Variants in PKP4 observed in about 807,000 individuals in gnomAD.
PKP4 encodes the protein plakophilin-4.
PKP4 carries 90 observed loss-of-function variants against 145.1 expected under a neutral mutation model. The observed-to-expected ratio is 0.62, with a 90% CI of 0.52 to 0.74. The LOEUF is 0.74. PKP4 is among the 30% of genes least tolerant of loss of function. The pLI is 0.00. For synonymous variants in PKP4, 563 were observed against 577.2 expected (o/e 0.98, Z 0.35); for missense variants, 1,340 against 1,482.7 (o/e 0.90, Z 1.58).
chr2:158,559,747 CAAAGG>C (rs1401557358), intron 2 of PKP4, among the ~76,000 whole-genome samples: 4 of 151,880 alleles, frequency 2.6e-5, no homozygotes, highest in Admixed American at 6.6e-5. Flanking sequence ...ATAAAATAGA[CAAAGG>C]AAAGGAATTT....
At chr2:158,679,606 T>G (rs551493822) in intron 21 of PKP4, among the ~76,000 whole-genome samples, 1 of 152,288 alleles carries the variant, frequency 6.6e-6, no homozygotes, top group Admixed American at 6.5e-5. Flanking sequence ...TTGGGCATAA[T>G]CAAGAACATA....
chr2:158,577,459 G>A (rs1055354893), intron 3 of PKP4, 76 bp downstream of exon 3: 20 of 876,628 alleles, frequency 2.3e-5, no homozygotes, highest in Non-Finnish European at 3.2e-5. Flanking sequence ...TGCAGCAAAA[G>A]ATTCTGTTAG....
intron 4 of PKP4, among the ~76,000 whole-genome samples, chr2:158,607,824 T>C (rs2050779839): frequency 6.6e-6 from 1 of 152,174 alleles, no homozygotes; most frequent in African/African-American, 2.4e-5. Flanking sequence ...AGAATGAGTT[T>C]AGATTATGAA....
chr2:158,609,059 C>T (rs1377952599), intron 4 of PKP4, among the ~76,000 whole-genome samples: 2 of 151,826 alleles, frequency 1.3e-5, no homozygotes, highest in African/African-American at 2.4e-5. Context: ...TCAGGTGATC[C>T]GCCCAACTCT....
At chr2:158,545,981 A>G (rs1196808234) in intron 2 of PKP4, among the ~76,000 whole-genome samples, 1 of 152,192 alleles carries the variant, frequency 6.6e-6, no homozygotes, top group Non-Finnish European at 1.5e-5. Context: ...TGAATCTTGA[A>G]GAAAATGAAA....
At chr2:158,578,275 TA>T in intron 3 of PKP4, 1 of 176,290 alleles carries the variant, frequency 5.7e-6, no homozygotes, top group Non-Finnish European at 1.4e-5. Context: ...TAAGTTGTAG[TA>T]ATATGAATTT....
chr2:158,596,948 C>G (rs969386222), intron 3 of PKP4, among the ~76,000 whole-genome samples: 5 of 152,150 alleles, frequency 3.3e-5, no homozygotes, highest in African/African-American at 9.7e-5. Context: ...CCTGGGTGCT[C>G]CCAGTACCAG....
chr2:158,457,351 A>C (rs62182660), intron 1 of PKP4, 133 bp downstream of exon 1: 1 of 150,874 alleles, frequency 6.6e-6, no homozygotes, highest in South Asian at 2.1e-4. Flanking sequence ...CCGCGTCCCC[A>C]GCGCCTCGCG....
At chr2:158,568,085 A>G (rs1240841275) in intron 2 of PKP4, among the ~76,000 whole-genome samples, 1 of 152,204 alleles carries the variant, frequency 6.6e-6, no homozygotes, top group African/African-American at 2.4e-5. Flanking sequence ...CTGTAATCCC[A>G]GCATTTTGGG....
chr2:158,577,647 T>A (rs1163784889), intron 3 of PKP4, among the ~76,000 whole-genome samples: 1 of 152,232 alleles, frequency 6.6e-6, no homozygotes, highest in Non-Finnish European at 1.5e-5. Context: ...GTACACACAG[T>A]TAATGGGTGT....
At chr2:158,639,242 T>G (rs2054066993) in intron 9 of PKP4, among the ~76,000 whole-genome samples, 1 of 152,212 alleles carries the variant, frequency 6.6e-6, no homozygotes, top group African/African-American at 2.4e-5. Context: ...GAAGACCCTG[T>G]AAATAGAATC....
chr2:158,513,570 A>G (rs1316439221), intron 1 of PKP4, among the ~76,000 whole-genome samples: 2 of 151,992 alleles, frequency 1.3e-5, no homozygotes, highest in South Asian at 2.1e-4. Context: ...TCTTTTCCTC[A>G]CGGTTGCTTC....
At chr2:158,614,236 A>C (rs1163204019) in intron 4 of PKP4, among the ~76,000 whole-genome samples, 1 of 152,264 alleles carries the variant, frequency 6.6e-6, no homozygotes, top group Non-Finnish European at 1.5e-5. Context: ...AAGATAATGG[A>C]AAAAAGTATG....
Position 158,631,875 on chromosome 2 carries a change from C to G in PKP4, c.1276C>G (p.Arg426Gly). 1 of 1,614,122 alleles carries G rather than the reference C, an allele frequency of 6.2e-7. No homozygotes were observed. The highest frequency in any genetic ancestry group is 8.5e-7 in the Non-Finnish European group (1 of 1,180,002). Residue 426 changes from arginine (R) to glycine (G), a missense_variant, in exon 8 of 22, where the codon CGC becomes GGC. Physicochemically the swap from Arg to Gly is moderately radical, Grantham distance 125 (BLOSUM62 -2). Coordinates refer to ENST00000389759, the MANE Select transcript of PKP4 (RefSeq NM_003628.6). Reference sequence around the variant, plus strand: ...GAGGACCTATTACAGCCCAGTGTACCGCAGCCCAAACCATGGAACTGTGGA... The same window carrying G: ...GAGGACCTATTACAGCCCAGTGTACGGCAGCCCAAACCATGGAACTGTGGA... ...EGRTYYSPVY[R>G]SPNHGTVELQ...
intron 3 of PKP4, among the ~76,000 whole-genome samples, chr2:158,580,456 T>G (rs1463829682): frequency 6.6e-6 from 1 of 152,136 alleles, no homozygotes; most frequent in Non-Finnish European, 1.5e-5. Context: ...TCCCGAGCAG[T>G]AAGAGGCTCA....
chr2:158,539,424 C>T (rs970192123), intron 2 of PKP4, among the ~76,000 whole-genome samples: 3 of 152,154 alleles, frequency 2.0e-5, no homozygotes, highest in African/African-American at 7.2e-5. Context: ...TTTGTTTGGC[C>T]CCTATGCTTA....
intron 9 of PKP4, among the ~76,000 whole-genome samples, chr2:158,639,727 A>G (rs2054116322): frequency 6.6e-6 from 1 of 152,200 alleles, no homozygotes; most frequent in African/African-American, 2.4e-5. Flanking sequence ...AAAGGAAAGT[A>G]TAAAAGTATA....
At chr2:158,500,854 G>A (rs78101176) in intron 1 of PKP4, among the ~76,000 whole-genome samples, 9,231 of 152,256 alleles carry the variant, frequency 0.061, 398 homozygotes, top group South Asian at 0.11. Flanking sequence ...TCTCTTAGCA[G>A]CTTTGTTTTG....
intron 2 of PKP4, among the ~76,000 whole-genome samples, chr2:158,533,750 T>A (rs889471943): frequency 3.9e-5 from 6 of 152,226 alleles, no homozygotes; most frequent in Non-Finnish European, 5.9e-5. Flanking sequence ...AGGCTATATT[T>A]GTGTGTTTGT....
Sources: allele counts gnomAD v4.1 joint callset (sites outside exome capture counted in the v4.1 genomes callset), GRCh38; gene constraint gnomAD v4.1.1; transcripts MANE v1.5; gene names NCBI Gene and HGNC (gene_info 2026-07-23, HGNC 2026-07-21).